The following C1orf21 variants were observed in gnomAD, a reference collection of about 807,000 sequenced individuals.
The protein encoded by C1orf21 is uncharacterized protein C1orf21.
C1orf21 carries 3 observed loss-of-function variants against 18.7 expected under a neutral mutation model. The observed-to-expected ratio is 0.16, with a 90% CI of 0.07 to 0.42. The LOEUF (loss-of-function observed/expected upper bound fraction) is 0.42, where lower values mean the gene tolerates loss of function less well. C1orf21 is among the 10% of genes least tolerant of loss of function. C1orf21 has a pLI of 0.99. For missense variants in C1orf21, 104 were observed against 143.6 expected (o/e 0.72, Z 1.41); for synonymous variants, 41 against 46.4 (o/e 0.88, Z 0.47).
At chr1:184,423,303 C>T (rs556175222) in intron 1 of C1orf21, among the ~76,000 whole-genome samples, 2 of 152,208 alleles carry the variant, frequency 1.3e-5, no homozygotes, top group East Asian at 1.9e-4. Flanking sequence ...ATAATCTATG[C>T]AATAATGTAC....
intron 1 of C1orf21, among the ~76,000 whole-genome samples, chr1:184,413,170 T>C (rs2101963156): frequency 6.6e-6 from 1 of 152,350 alleles, no homozygotes; most frequent in Non-Finnish European, 1.5e-5. Flanking sequence ...TCCTGCAGTG[T>C]CCACCATGAA....
intron 1 of C1orf21, among the ~76,000 whole-genome samples, chr1:184,476,478 A>G (rs1445084944): frequency 6.6e-6 from 1 of 152,190 alleles, no homozygotes; most frequent in Admixed American, 6.5e-5. Flanking sequence ...TTGGGTGAGG[A>G]TGATGAAAGC....
chr1:184,557,814 T>C (rs1035549734), intron 3 of C1orf21, among the ~76,000 whole-genome samples: 1 of 152,170 alleles, frequency 6.6e-6, no homozygotes, highest in Non-Finnish European at 1.5e-5. Flanking sequence ...TATTTTGTTT[T>C]AACATAAAAT....
chr1:184,399,356 A>ATTTTT (rs59376994), intron 1 of C1orf21, among the ~76,000 whole-genome samples: 10 of 79,048 alleles, frequency 1.3e-4, no homozygotes, highest in Middle Eastern at 6.8e-3. Flanking sequence ...ATGTACTTCT[A>ATTTTT]TTTTTTTTTT....
intron 1 of C1orf21, among the ~76,000 whole-genome samples, chr1:184,458,335 C>T (rs544256074): frequency 6.6e-6 from 1 of 152,234 alleles, no homozygotes; most frequent in South Asian, 2.1e-4. Context: ...TTATCTTCTG[C>T]AGTATTTGCT....
intron 1 of C1orf21, among the ~76,000 whole-genome samples, chr1:184,427,947 G>A (rs768256959): frequency 1.4e-4 from 22 of 152,160 alleles, no homozygotes; most frequent in Non-Finnish European, 2.6e-4. Context: ...CTGGACTCCA[G>A]GGCTGGAACA....
chr1:184,616,401 G>A (rs1003800613), intron 5 of C1orf21, among the ~76,000 whole-genome samples: 2 of 152,226 alleles, frequency 1.3e-5, no homozygotes, highest in Non-Finnish European at 2.9e-5. Flanking sequence ...TAAATAGTAC[G>A]TAAAATAATA....
intron 1 of C1orf21, among the ~76,000 whole-genome samples, chr1:184,457,294 G>C (rs554880345): frequency 7.9e-5 from 12 of 152,204 alleles, no homozygotes; most frequent in Non-Finnish European, 1.5e-4. Flanking sequence ...AGTAAAACTG[G>C]TTACCTGCTT....
chr1:184,483,997 C>T (rs1400344762), intron 2 of C1orf21, among the ~76,000 whole-genome samples: 1 of 152,050 alleles, frequency 6.6e-6, no homozygotes, highest in Admixed American at 6.5e-5. Flanking sequence ...GATCTCAGCT[C>T]ACTGCAACCT....
intron 2 of C1orf21, among the ~76,000 whole-genome samples, chr1:184,506,165 T>C (rs1175452143): frequency 6.6e-6 from 1 of 152,174 alleles, no homozygotes; most frequent in African/African-American, 2.4e-5. Flanking sequence ...CTTTCTAATA[T>C]CTTTACAAAA....
chr1:184,609,133 C>G (rs1659691965), intron 5 of C1orf21, among the ~76,000 whole-genome samples: 1 of 152,202 alleles, frequency 6.6e-6, no homozygotes, highest in Non-Finnish European at 1.5e-5. Context: ...TCCCTCACCT[C>G]TCCCTCTCCA....
intron 3 of C1orf21, among the ~76,000 whole-genome samples, chr1:184,551,640 G>A (rs966758175): frequency 4.6e-5 from 7 of 152,132 alleles, no homozygotes; most frequent in South Asian, 2.1e-4. Flanking sequence ...GCCCCTCCCC[G>A]TGCCAATCTA....
chr1:184,546,719 C>A (rs558827825), intron 3 of C1orf21, among the ~76,000 whole-genome samples: 2 of 152,290 alleles, frequency 1.3e-5, no homozygotes, highest in East Asian at 3.9e-4. Context: ...AAGCCATCCG[C>A]TCTCAGAGGA....
At chr1:184,475,405 C>T (rs1358407277) in intron 1 of C1orf21, among the ~76,000 whole-genome samples, 6 of 152,086 alleles carry the variant, frequency 3.9e-5, no homozygotes, top group African/African-American at 1.4e-4. Context: ...CTTCCACATT[C>T]TAGTGTCTTA....
chr1:184,514,996 G>T (rs900259917), intron 3 of C1orf21, among the ~76,000 whole-genome samples: 1 of 152,212 alleles, frequency 6.6e-6, no homozygotes, highest in East Asian at 1.9e-4. Flanking sequence ...TACCTGAGTT[G>T]ATGGGGAACC....
chr1:184,475,781 G>GTC (rs1491082008), intron 1 of C1orf21, among the ~76,000 whole-genome samples: 3 of 126,236 alleles, frequency 2.4e-5, no homozygotes, highest in African/African-American at 9.0e-5. Flanking sequence ...GTGTGTGTGT[G>GTC]TCCATCCACA....
At chr1:184,607,758 CATAT>C (rs935017445) in intron 5 of C1orf21, among the ~76,000 whole-genome samples, 1 of 146,336 alleles carries the variant, frequency 6.8e-6, no homozygotes, top group Non-Finnish European at 1.5e-5. Flanking sequence ...TATATATATA[CATAT>C]ATAGAGAGAA....
intron 1 of C1orf21, among the ~76,000 whole-genome samples, chr1:184,401,342 TC>T (rs1656148636): frequency 6.6e-6 from 1 of 152,138 alleles, no homozygotes; most frequent in Non-Finnish European, 1.5e-5. Flanking sequence ...TGTCTCAGCC[TC>T]CCCAGTAGCT....
chr1:184,621,937 T>G lies in C1orf21; in HGVS notation c.*2381T>G, dbSNP rs1558017716. ...AAATAGATCCAAGAAATGGGGTGGTTGAGTGGGTCCGCACGAAATGCTTGA... is the reference window on the plus strand; with the variant it reads ...AAATAGATCCAAGAAATGGGGTGGTGGAGTGGGTCCGCACGAAATGCTTGA... On this transcript the variant is annotated 3_prime_UTR_variant, in exon 6 of 6. Coordinates refer to ENST00000235307, the MANE Select transcript of C1orf21 (RefSeq NM_030806.4). 6.6e-6 allele frequency: 1 copy of G among 152,194 alleles called. No homozygotes were observed. Among genetic ancestry groups the G allele is most frequent in the Non-Finnish European group, 1.5e-5 (1 of 68,030 alleles). 9.4% of individuals were successfully genotyped at this position (152,194 alleles called of 1,614,324 possible).
Sources: gnomAD v4.1 joint callset for allele counts (sites outside exome capture counted in the v4.1 genomes callset) on GRCh38, gnomAD v4.1.1 for gene constraint, MANE v1.5 for transcripts, NCBI Gene and HGNC (gene_info 2026-07-23, HGNC 2026-07-21) for gene names.